Variants in SFXN1 observed in about 807,000 individuals in gnomAD.
SFXN1 encodes sideroflexin 1.
In SFXN1, 32 loss-of-function variants were observed where a neutral mutation model predicts 39.5. The ratio of observed to expected loss-of-function variants is 0.81; its 90% CI spans 0.61 to 1.09. The LOEUF is 1.09. Ranked by LOEUF, SFXN1 falls within the 50% of genes least tolerant of loss-of-function variation. The pLI, the probability that SFXN1 is intolerant of heterozygous loss-of-function variation, is 0.00. For missense variants in SFXN1, 402 were observed against 407.1 expected, an observed-to-expected ratio of 0.99 and a Z score of 0.11; for synonymous variants, 136 against 146.5, an observed-to-expected ratio of 0.93 and a Z score of 0.52.
intron 7 of SFXN1, among the ~76,000 whole-genome samples, chr5:175,514,170 G>A (rs1001665420): frequency 2.0e-5 from 3 of 152,094 alleles, no homozygotes; most frequent in South Asian, 4.1e-4. Context: ...GAGGCTGTGC[G>A]GGGAGGCTGC....
At chr5:175,526,336 A>G (rs528744058) in intron 10 of SFXN1, among the ~76,000 whole-genome samples, 2 of 152,320 alleles carry the variant, frequency 1.3e-5, no homozygotes, top group African/African-American at 4.8e-5. Context: ...GGTTTTTCCA[A>G]CACCAGCAGG....
At chr5:175,524,219 C>G in intron 10 of SFXN1, 1 of 147,186 alleles carries the variant, frequency 6.8e-6, no homozygotes, top group East Asian at 2.0e-4. Context: ...GTGTCCCTGC[C>G]TCCCCTGCAG....
chr5:175,519,521 A>G (rs1354885052), intron 8 of SFXN1, among the ~76,000 whole-genome samples: 4 of 152,248 alleles, frequency 2.6e-5, no homozygotes, highest in Admixed American at 6.5e-5. Flanking sequence ...AACTAGTGCT[A>G]CACACAACAT....
intron 1 of SFXN1, 63 bp downstream of exon 1, chr5:175,478,702 G>A (rs1381962761): frequency 6.6e-6 from 1 of 152,362 alleles, no homozygotes; most frequent in Non-Finnish European, 1.5e-5. Context: ...CCCGGCGGAG[G>A]CGCGCAGGCT....
chr5:175,490,559 A>G (rs899533396), intron 1 of SFXN1, among the ~76,000 whole-genome samples: 2 of 152,206 alleles, frequency 1.3e-5, no homozygotes, highest in African/African-American at 4.8e-5. Context: ...ACTTAAGGAA[A>G]AGTGACCTGA....
chr5:175,493,605 G>A (rs1759745553), intron 2 of SFXN1, among the ~76,000 whole-genome samples: 1 of 152,244 alleles, frequency 6.6e-6, no homozygotes, highest in Non-Finnish European at 1.5e-5. Context: ...GCCGTAGAAA[G>A]CAGAGAAGTT....
At chr5:175,524,967 G>C (rs898004195) in intron 10 of SFXN1, among the ~76,000 whole-genome samples, 6 of 152,178 alleles carry the variant, frequency 3.9e-5, no homozygotes, top group Non-Finnish European at 4.4e-5. Flanking sequence ...GAATAGGCCA[G>C]ATAGTCATTA....
intron 8 of SFXN1, among the ~76,000 whole-genome samples, chr5:175,519,092 G>A (rs902021387): frequency 1.3e-5 from 2 of 152,206 alleles, no homozygotes; most frequent in Non-Finnish European, 2.9e-5. Context: ...CAGTTCTCAA[G>A]CACCTAAAAA....
chr5:175,479,743 G>A (rs762851262), intron 1 of SFXN1, among the ~76,000 whole-genome samples: 1 of 152,118 alleles, frequency 6.6e-6, no homozygotes, highest in Non-Finnish European at 1.5e-5. Flanking sequence ...TCCAGAGCCT[G>A]GGCACTTAGC....
intron 1 of SFXN1, among the ~76,000 whole-genome samples, chr5:175,489,988 C>T (rs1759598941): frequency 6.6e-6 from 1 of 152,184 alleles, no homozygotes; most frequent in Admixed American, 6.5e-5. Flanking sequence ...AGTAATCTCT[C>T]TTCCCTTTTA....
intron 2 of SFXN1, among the ~76,000 whole-genome samples, chr5:175,495,835 T>G (rs2113290461): frequency 6.6e-6 from 1 of 151,832 alleles, no homozygotes; most frequent in East Asian, 1.9e-4. Flanking sequence ...TGATGAATGT[T>G]GAAACACATA....
chr5:175,517,571 A>G (rs997567856), intron 8 of SFXN1, among the ~76,000 whole-genome samples: 1 of 152,156 alleles, frequency 6.6e-6, no homozygotes, highest in African/African-American at 2.4e-5. Context: ...GCTAACTACC[A>G]TTAAGGTACC....
chr5:175,489,581 A>G (rs1415573124), intron 1 of SFXN1, among the ~76,000 whole-genome samples: 1 of 152,222 alleles, frequency 6.6e-6, no homozygotes, highest in Non-Finnish European at 1.5e-5. Context: ...TATCCCCATG[A>G]TGGTGGCAGC....
chr5:175,507,659 A>T (rs1248167449), intron 2 of SFXN1, among the ~76,000 whole-genome samples: 1 of 152,124 alleles, frequency 6.6e-6, no homozygotes, highest in Non-Finnish European at 1.5e-5. Context: ...AGAATGAGGC[A>T]CCTAATTTTT....
At chr5:175,507,429 T>A (rs1760347596) in intron 2 of SFXN1, among the ~76,000 whole-genome samples, 1 of 152,084 alleles carries the variant, frequency 6.6e-6, no homozygotes. Flanking sequence ...TATTACTGAG[T>A]AAAGAAGGTG....
chr5:175,510,480 T>G (rs147847444), intron 4 of SFXN1, among the ~76,000 whole-genome samples: 274 of 152,304 alleles, frequency 1.8e-3, no homozygotes, highest in African/African-American at 6.1e-3. Flanking sequence ...CTTCTCACCC[T>G]GGAGCTCATG....
intron 2 of SFXN1, among the ~76,000 whole-genome samples, chr5:175,508,007 G>T (rs1760374202): frequency 6.7e-6 from 1 of 150,108 alleles, no homozygotes; most frequent in African/African-American, 2.5e-5. Flanking sequence ...TCCTGAACTA[G>T]CTTTTCATTC....
intron 1 of SFXN1, among the ~76,000 whole-genome samples, chr5:175,482,536 G>A (rs1759289610): frequency 6.6e-6 from 1 of 152,140 alleles, no homozygotes; most frequent in Admixed American, 6.5e-5. Flanking sequence ...AGCCATTCCT[G>A]GCCCCAGGAG....
At chr5:175,500,589 A>G (rs887656342) in intron 2 of SFXN1, among the ~76,000 whole-genome samples, 4 of 152,138 alleles carry the variant, frequency 2.6e-5, no homozygotes, top group Non-Finnish European at 1.5e-5. Context: ...GTAATCATCA[A>G]AACCCCAGCA....
Sources: allele counts gnomAD v4.1 joint callset (sites outside exome capture counted in the v4.1 genomes callset), GRCh38; gene constraint gnomAD v4.1.1; transcripts MANE v1.5; gene names NCBI Gene and HGNC (gene_info 2026-07-23, HGNC 2026-07-21).